Variants in PLCE1 observed in about 807,000 individuals in gnomAD.
The protein encoded by PLCE1 is phospholipase C epsilon 1, also known as 1-phosphatidylinositol 4,5-bisphosphate phosphodiesterase epsilon-1.
A neutral mutation model predicts 242.8 loss-of-function variants in PLCE1; 119 were observed. That is an observed-to-expected ratio of 0.49 (90% CI 0.42 to 0.57). The LOEUF is 0.57. PLCE1 is among the 20% of genes least tolerant of loss of function. The probability of loss-of-function intolerance (pLI) is 0.00; values close to 1 mark genes in which losing one functional copy is unlikely to be tolerated. For missense variants in PLCE1, 2,441 were observed against 2,788.8 expected (o/e 0.88, Z 2.81); for synonymous variants, 945 against 1,017.4 (o/e 0.93, Z 1.35).
intron 27 of PLCE1, among the ~76,000 whole-genome samples, chr10:94,310,311 C>G (rs949270628): frequency 6.6e-6 from 1 of 152,184 alleles, no homozygotes; most frequent in African/African-American, 2.4e-5. Flanking sequence ...CTCCCGCTGT[C>G]CCTGCCCTTG....
intron 2 of PLCE1, chr10:94,104,121 T>C (rs1158000928): frequency 6.6e-6 from 1 of 152,236 alleles, no homozygotes; most frequent in East Asian, 1.9e-4. Flanking sequence ...GCGGCCACTC[T>C]CAGCTGCGTG....
At chr10:94,131,489 A>C (rs978370853) in intron 2 of PLCE1, among the ~76,000 whole-genome samples, 1 of 152,204 alleles carries the variant, frequency 6.6e-6, no homozygotes, top group East Asian at 1.9e-4. Flanking sequence ...CTAACAGTGC[A>C]ATCTTCTTGA....
At chr10:94,236,650 G>A (rs769265720) in intron 7 of PLCE1, among the ~76,000 whole-genome samples, 16 of 152,160 alleles carry the variant, frequency 1.1e-4, no homozygotes, top group South Asian at 2.1e-4. Context: ...GCTCTGTAAG[G>A]TGTGTTAAAA....
intron 11 of PLCE1, among the ~76,000 whole-genome samples, chr10:94,255,711 A>T (rs1349411428): frequency 1.3e-5 from 2 of 152,222 alleles, no homozygotes; most frequent in Admixed American, 6.5e-5. Context: ...TGCAAATTAC[A>T]TATTTGAAAC....
chr10:94,151,638 G>C (rs982851092), intron 3 of PLCE1, among the ~76,000 whole-genome samples: 5 of 152,150 alleles, frequency 3.3e-5, no homozygotes, highest in Non-Finnish European at 7.4e-5. Context: ...GTTACAGCTT[G>C]AGGTGAGCTT....
intron 14 of PLCE1, 103 bp downstream of exon 14, chr10:94,262,835 T>C: frequency 2.2e-6 from 2 of 906,888 alleles, no homozygotes; most frequent in South Asian, 2.6e-5. Context: ...CCAAAGCCTT[T>C]AAATCTGGGA....
intron 4 of PLCE1, among the ~76,000 whole-genome samples, chr10:94,210,921 C>G (rs1398520806): frequency 6.6e-6 from 1 of 152,214 alleles, no homozygotes; most frequent in Non-Finnish European, 1.5e-5. Context: ...TCTCCTCTGC[C>G]CTTTCCCTTC....
rs1233170892 is a variant in PLCE1, at chr10:94,083,236, G to A, written c.1207-48938G>A. On this transcript the variant is annotated intron_variant, in intron 2 of 32. Transcript: ENST00000371380. ...ATTGCTTTGTGAATTGGAAAGGTGT[G>A]TATTGGATAAAATAACATCAGGGTG... 3.3e-5 allele frequency among the ~76,000 whole-genome samples: 5 copies of A among 152,168 alleles called. No individual in the cohort carries two copies. The South Asian group carries it at 1.0e-3, about 32-fold the overall frequency.
chr10:94,280,100 AC>A (rs767026457), intron 20 of PLCE1, 189 bp downstream of exon 20: 10 of 629,560 alleles, frequency 1.6e-5, no homozygotes, highest in Non-Finnish European at 2.8e-5. Context: ...GCCAACACTT[AC>A]AGAAAGAAGA....
chr10:94,220,171 AT>A (rs141915737), intron 4 of PLCE1, among the ~76,000 whole-genome samples: 2,719 of 150,904 alleles, frequency 0.018, 45 homozygotes, highest in African/African-American at 0.05. Flanking sequence ...CTAGGACAAC[AT>A]TTTATACATA....
intron 29 of PLCE1, among the ~76,000 whole-genome samples, chr10:94,321,340 A>T (rs2053790501): frequency 6.6e-6 from 1 of 152,208 alleles, no homozygotes; most frequent in Admixed American, 6.5e-5. Flanking sequence ...GGACTCTCAA[A>T]ATCCACAGCT....
chr10:94,203,802 G>C (rs1589340093), intron 4 of PLCE1, among the ~76,000 whole-genome samples: 1 of 152,186 alleles, frequency 6.6e-6, no homozygotes, highest in South Asian at 2.1e-4. Context: ...TTCCCAAGAG[G>C]AGGACATAAA....
intron 1 of PLCE1, among the ~76,000 whole-genome samples, chr10:94,019,464 C>G (rs1308164484): frequency 6.6e-6 from 1 of 152,208 alleles, no homozygotes; most frequent in African/African-American, 2.4e-5. Flanking sequence ...AGTCCACCCT[C>G]CCCATCACCC....
intron 23 of PLCE1, among the ~76,000 whole-genome samples, chr10:94,294,439 T>A (rs1009173654): frequency 6.6e-6 from 1 of 152,186 alleles, no homozygotes; most frequent in African/African-American, 2.4e-5. Flanking sequence ...AAAAATAAGA[T>A]CCTTTTTAAG....
In PLCE1 at chr10:94,329,786, A is replaced by AAAC; in HGVS notation, c.*1845_*1846insCAA. The AAAC allele has an allele frequency of 1.7e-5, 2 of 118,072 alleles. No homozygotes were observed. Among genetic ancestry groups the AAAC allele is most frequent in the African/African-American group, 6.5e-5 (2 of 30,844 alleles). 7.3% of individuals were successfully genotyped at this position (118,072 alleles called of 1,614,324 possible). On this transcript the variant is annotated 3_prime_UTR_variant, in exon 33 of 33. Coordinates refer to ENST00000371380, the MANE Select transcript of PLCE1 (RefSeq NM_016341.4). Reference sequence around the variant, plus strand: ...AGCGAGACTCCGTCTCAAAAAAAAAAAAAAAAAAAAAAAAAAAAAAAAAAA... The same window carrying AAAC: ...AGCGAGACTCCGTCTCAAAAAAAAAAAACAAAAAAAAAAAAAAAAAAAAAAAAA...
rs1485935185 is a variant in PLCE1, at chr10:94,031,984, A to G, written c.938A>G (p.Asp313Gly). The part of the protein sequence containing the change: ...FPDNCDDVEE[D>G]AFKSKKERST... ...GATAATTGTGATGATGTAGAAGAAG[A>G]CGCTTTTAAAAGCAAAAAGGAGCGA... The change falls in exon 2 of 33, where the codon GAC (aspartate) becomes GGC (glycine). Residue 313 changes from aspartate to glycine, a missense_variant. By Grantham distance (94) the Asp-to-Gly change is moderately conservative. This residue lies in a region of PLCE1 where 393 missense variants were observed against 378.5 expected (regional missense o/e 1.04). Transcript: ENST00000371380. 6.2e-7 allele frequency: 1 copy of G among 1,613,820 alleles called. No individual in the cohort carries two copies.
chr10:94,000,405 G>A (rs2134170566), intron 1 of PLCE1, among the ~76,000 whole-genome samples: 1 of 152,224 alleles, frequency 6.6e-6, no homozygotes, highest in African/African-American at 2.4e-5. Flanking sequence ...CATTATAGAG[G>A]GGTAACAGTA....
intron 2 of PLCE1, among the ~76,000 whole-genome samples, chr10:94,060,966 T>C (rs1466673401): frequency 6.6e-6 from 1 of 152,074 alleles, no homozygotes; most frequent in Non-Finnish European, 1.5e-5. Flanking sequence ...CCCAAAATGC[T>C]GGGATTACAG....
In PLCE1 at chr10:94,328,890, C is replaced by T. The variant is rs141731475; in HGVS notation, c.*947C>T. 6.6e-5 allele frequency: 10 copies of T among 152,094 alleles called. No homozygotes were observed. Among genetic ancestry groups the T allele is most frequent in the African/African-American group, 1.4e-4 (6 of 41,508 alleles). 9.4% of individuals were successfully genotyped at this position (152,094 alleles called of 1,614,324 possible). A position where few individuals can be genotyped will look rare whatever the true frequency, so the allele number is the denominator to read the frequency against. ...GGTTTTCAAAATGAATTTAGAATGA[C>T]GTATAATTTAATATCTACTGAATTG... On this transcript the variant is annotated 3_prime_UTR_variant, in exon 33 of 33. Transcript: ENST00000371380.
Sources: allele counts gnomAD v4.1 joint callset (sites outside exome capture counted in the v4.1 genomes callset), GRCh38; gene constraint gnomAD v4.1.1; regional missense constraint gnomAD v4.1.1; transcripts MANE v1.5; gene names NCBI Gene and HGNC (gene_info 2026-07-23, HGNC 2026-07-21).